The following RUNX1 variants were observed in gnomAD, a reference collection of about 807,000 sequenced individuals.
The protein encoded by RUNX1 is runt-related transcription factor 1.
A neutral mutation model predicts 42.8 loss-of-function variants in RUNX1; 19 were observed. That is an observed-to-expected ratio of 0.44 (90% CI 0.31 to 0.65). RUNX1 has a LOEUF of 0.65. RUNX1 is among the 30% of genes least tolerant of loss of function. The probability of loss-of-function intolerance (pLI) is 0.07; values close to 1 mark genes in which losing one functional copy is unlikely to be tolerated. For synonymous variants in RUNX1, 271 were observed against 289.4 expected (o/e 0.94, Z 0.64); for missense variants, 528 against 672.0 (o/e 0.79, Z 2.37).
intron 5 of RUNX1, among the ~76,000 whole-genome samples, chr21:34,874,691 C>CA (rs2057789668): frequency 7.3e-6 from 1 of 136,306 alleles, no homozygotes; most frequent in South Asian, 2.4e-4. Context: ...AAAAAAACAA[C>CA]AAAAAAACCA....
At position 34,887,869 on chromosome 21, in the gene RUNX1, T is replaced by A. The variant is rs144716951; in HGVS notation, c.98-773A>T. On this transcript the variant is annotated intron_variant, in intron 3 of 8. Coordinates refer to ENST00000675419, the MANE Select transcript of RUNX1 (RefSeq NM_001754.5). Reference sequence around the variant, plus strand: ...AGCTAGAAGTACTTGTCATGTTCTCTGTTCTCTCAATGAATTCTGTCAAAA... The same window carrying A: ...AGCTAGAAGTACTTGTCATGTTCTCAGTTCTCTCAATGAATTCTGTCAAAA... 7.0e-4 allele frequency: 746 copies of A among 1,065,082 alleles called. 3 individuals are homozygous for A. The African/African-American group carries it at 0.011, about 15-fold the overall frequency. 66.0% of individuals were successfully genotyped at this position (1,065,082 alleles called of 1,614,324 possible).
intron 6 of RUNX1, among the ~76,000 whole-genome samples, chr21:34,838,439 T>A (rs2057181476): frequency 6.6e-6 from 1 of 152,236 alleles, no homozygotes; most frequent in Non-Finnish European, 1.5e-5. Context: ...ACTGTCATGA[T>A]GAGCCGTTGA....
intron 7 of RUNX1, among the ~76,000 whole-genome samples, chr21:34,824,063 G>C (rs186112595): frequency 8.5e-4 from 129 of 152,318 alleles, no homozygotes; most frequent in African/African-American, 2.9e-3. Context: ...TGTGTCTGGA[G>C]GCAGTGGCTG....
chr21:34,888,812 AGG>A, intron 3 of RUNX1: 3 of 484,862 alleles, frequency 6.2e-6, no homozygotes, highest in Non-Finnish European at 8.2e-6. Context: ...GGTATCAGCC[AGG>A]GCGCGGCTCG....
intron 5 of RUNX1, among the ~76,000 whole-genome samples, chr21:34,863,232 G>A (rs1010312175): frequency 1.3e-5 from 2 of 152,150 alleles, no homozygotes; most frequent in Non-Finnish European, 1.5e-5. Context: ...TTATCCCTGA[G>A]GTCATAAATC....
At position 35,007,690 on chromosome 21, in the gene RUNX1, T is replaced by A. The variant is rs559889820; in HGVS notation, c.58+41152A>T. On this transcript the variant is annotated intron_variant, in intron 2 of 8. Coordinates refer to ENST00000675419, the MANE Select transcript of RUNX1 (RefSeq NM_001754.5). ...GAAGCAAGTCATCTGCCAACCCCCT[T>A]GGTGGCCTCTCTCCTACCTCTTCTC... Among the ~76,000 whole-genome samples, 6 of 152,240 alleles carry A rather than the reference T, an allele frequency of 3.9e-5. No homozygotes were observed. In the South Asian group the frequency reaches 1.2e-3, roughly 32 times the overall value.
rs182106018 is a variant in RUNX1 at position 34,986,617 on chromosome 21, G to T, written c.58+62225C>A. Reference sequence around the variant, plus strand: ...GATCAGCATCCTTATAAGAAGAGGAGAAGACACACAGGGGTACACAGAGAG... The same window carrying T: ...GATCAGCATCCTTATAAGAAGAGGATAAGACACACAGGGGTACACAGAGAG... On this transcript the variant is annotated intron_variant, in intron 2 of 8. Transcript: ENST00000675419. Among the ~76,000 whole-genome samples, 251 of 150,406 alleles carry T rather than the reference G, an allele frequency of 1.7e-3. 1 individual carries two copies. Among genetic ancestry groups the T allele is most frequent in the African/African-American group, 5.7e-3 (234 of 40,784 alleles).
intron 2 of RUNX1, among the ~76,000 whole-genome samples, chr21:34,898,343 C>T (rs1375249056): frequency 2.6e-5 from 4 of 151,992 alleles, no homozygotes; most frequent in South Asian, 2.1e-4. Flanking sequence ...GCAATTTGCT[C>T]GTTTTACAGC....
At chr21:35,043,529 T>C (rs886076145) in intron 2 of RUNX1, among the ~76,000 whole-genome samples, 1 of 152,192 alleles carries the variant, frequency 6.6e-6, no homozygotes, top group Non-Finnish European at 1.5e-5. Context: ...GAAAATAAAA[T>C]ATTTTTAAGT....
intron 2 of RUNX1, among the ~76,000 whole-genome samples, chr21:35,006,051 G>C (rs147863533): frequency 1.7e-3 from 264 of 152,282 alleles, no homozygotes; most frequent in Middle Eastern, 6.8e-3. Flanking sequence ...TTGTTGGCAG[G>C]CTCATCCCAA....
intron 6 of RUNX1, among the ~76,000 whole-genome samples, chr21:34,836,458 A>C (rs2057147795): frequency 6.6e-6 from 1 of 152,114 alleles, no homozygotes; most frequent in East Asian, 1.9e-4. Flanking sequence ...CCCTCCTCTT[A>C]TCTCTGCCAT....
At chr21:34,931,045 C>T (rs9982837) in intron 2 of RUNX1, among the ~76,000 whole-genome samples, 152,202 of 152,202 alleles carry the variant, frequency 1, 76,101 homozygotes, top group Non-Finnish European at 1. Context: ...TCATTTGGGC[C>T]GGAATCAGAT....
chr21:35,025,769 G>C (rs1251531683), intron 2 of RUNX1, among the ~76,000 whole-genome samples: 1 of 152,088 alleles, frequency 6.6e-6, no homozygotes, highest in Non-Finnish European at 1.5e-5. Context: ...CGGAGTGATT[G>C]CTGTGAGGAA....
chr21:34,942,135 A>G (rs189633114), intron 2 of RUNX1, among the ~76,000 whole-genome samples: 2 of 152,286 alleles, frequency 1.3e-5, no homozygotes, highest in Non-Finnish European at 2.9e-5. Flanking sequence ...ATATTTAGAA[A>G]TCATTCCCCG....
chr21:34,933,354 T>G (rs1471027009), intron 2 of RUNX1, among the ~76,000 whole-genome samples: 2 of 152,216 alleles, frequency 1.3e-5, no homozygotes, highest in Non-Finnish European at 2.9e-5. Flanking sequence ...TAGGTCAAAT[T>G]ACATCCAGAG....
At chr21:34,833,723 G>A (rs1278568149) in intron 7 of RUNX1, 1 of 166,892 alleles carries the variant, frequency 6.0e-6, no homozygotes, top group East Asian at 1.5e-4. Flanking sequence ...CGGTATCACA[G>A]AGCAAACAGT....
At chr21:34,886,064 C>A (rs2057981455) in intron 4 of RUNX1, among the ~76,000 whole-genome samples, 1 of 152,224 alleles carries the variant, frequency 6.6e-6, no homozygotes. Flanking sequence ...GCGCTGAAGT[C>A]TCCGGCTACG....
rs1052319360 is a variant in RUNX1 at position 34,804,782 on chromosome 21, G to A, written c.806-5320C>T. ...TTTTGAGACAGTGTCTCGCTCTGTC[G>A]CCCACACTGGAGTGCAGTGGCGCAA... On this transcript the variant is annotated intron_variant, in intron 7 of 8. Transcript: ENST00000675419. Among the ~76,000 whole-genome samples the A allele has an allele frequency of 1.0e-4, 15 of 145,498 alleles. No individual in the cohort carries two copies. The South Asian group carries it at 1.3e-3, about 13-fold the overall frequency.
intron 2 of RUNX1, among the ~76,000 whole-genome samples, chr21:35,018,188 G>A (rs965058863): frequency 6.6e-6 from 1 of 152,118 alleles, no homozygotes; most frequent in Non-Finnish European, 1.5e-5. Context: ...ACCATGTCCA[G>A]ATAATTTTTG....
Sources: gnomAD v4.1 joint callset for allele counts (sites outside exome capture counted in the v4.1 genomes callset) on GRCh38, gnomAD v4.1.1 for gene constraint, MANE v1.5 for transcripts, NCBI Gene and HGNC (gene_info 2026-07-23, HGNC 2026-07-21) for gene names.